Variants in TSHZ3 observed in about 807,000 individuals in gnomAD.
The protein encoded by TSHZ3 is teashirt homolog 3.
Under a neutral mutation model 64.5 loss-of-function variants are expected in TSHZ3, and 10 were observed. That is an observed-to-expected ratio of 0.16 (90% CI 0.10 to 0.26). The LOEUF is 0.26. Among genes scored for constraint, TSHZ3 ranks in the 10% least tolerant of loss-of-function variants. The pLI is 1.00. For missense variants in TSHZ3, 1,242 were observed against 1,421.7 expected (o/e 0.87, Z 2.03); for synonymous variants, 608 against 593.1 (o/e 1.03, Z -0.36).
At chr19:31,289,016 T>G (rs1489376444) in intron 1 of TSHZ3, among the ~76,000 whole-genome samples, 1 of 152,222 alleles carries the variant, frequency 6.6e-6, no homozygotes, top group African/African-American at 2.4e-5. Context: ...AATGGGAAGA[T>G]GCAACTGGCC....
chr19:31,228,687 A>G (rs1171603310), intron 3 of TSHZ3, among the ~76,000 whole-genome samples: 1 of 152,126 alleles, frequency 6.6e-6, no homozygotes, highest in African/African-American at 2.4e-5. Context: ...GGTTACTAGC[A>G]CCTTCCCATG....
At chr19:31,316,817 C>T (rs1916616162) in intron 1 of TSHZ3, among the ~76,000 whole-genome samples, 1 of 152,046 alleles carries the variant, frequency 6.6e-6, no homozygotes, top group Non-Finnish European at 1.5e-5. Flanking sequence ...GAAGCCAACC[C>T]CCGCCCCACC....
chr19:31,300,069 T>C (rs371118249), intron 1 of TSHZ3, among the ~76,000 whole-genome samples: 14 of 151,754 alleles, frequency 9.2e-5, no homozygotes, highest in African/African-American at 3.4e-4. Flanking sequence ...CGAGAGAGTG[T>C]GTGTGTGTGT....
chr19:31,232,361 T>C (rs572879271), intron 3 of TSHZ3, among the ~76,000 whole-genome samples: 4 of 152,186 alleles, frequency 2.6e-5, no homozygotes, highest in African/African-American at 4.8e-5. Flanking sequence ...ATAGTATAAA[T>C]GAACGAAAAG....
intron 5 of TSHZ3, among the ~76,000 whole-genome samples, chr19:31,203,689 C>T (rs1172953738): frequency 6.6e-6 from 1 of 152,232 alleles, no homozygotes; most frequent in African/African-American, 2.4e-5. Context: ...GTGCTCACTC[C>T]TGAGCACACA....
intron 5 of TSHZ3, among the ~76,000 whole-genome samples, chr19:31,178,315 T>A (rs1974644355): frequency 6.6e-6 from 1 of 152,152 alleles, no homozygotes; most frequent in African/African-American, 2.4e-5. Flanking sequence ...CAAATGTCAG[T>A]TGTTCCTCAT....
chr19:31,170,784 TTTC>T (rs1204432358), intron 5 of TSHZ3, among the ~76,000 whole-genome samples: 1 of 152,218 alleles, frequency 6.6e-6, no homozygotes, highest in African/African-American at 2.4e-5. Context: ...TTAAAAGAAA[TTTC>T]TTCTTGCATT....
intron 4 of TSHZ3, among the ~76,000 whole-genome samples, chr19:31,210,322 T>G (rs1213503083): frequency 1.3e-5 from 2 of 152,182 alleles, no homozygotes; most frequent in African/African-American, 4.8e-5. Flanking sequence ...TGTTTTTTTC[T>G]TCTTGAAACC....
chr19:31,336,571 G>A (rs566074664), intron 1 of TSHZ3, among the ~76,000 whole-genome samples: 40 of 152,270 alleles, frequency 2.6e-4, no homozygotes, highest in Non-Finnish European at 4.3e-4. Flanking sequence ...TAAAAAATCC[G>A]GTTATCTAAG....
At chr19:31,330,710 G>GA (rs893388231) in intron 1 of TSHZ3, among the ~76,000 whole-genome samples, 3 of 34,288 alleles carry the variant, frequency 8.7e-5, no homozygotes, top group Non-Finnish European at 2.9e-4. Context: ...ATCCTTGGGC[G>GA]GGGGGAGGAA....
rs763608123 is a variant in TSHZ3 at position 31,279,796 on chromosome 19, T to A, written c.41-44A>T. 2 of 1,444,776 alleles carry A rather than the reference T, an allele frequency of 1.4e-6. No homozygotes were observed. Among genetic ancestry groups the A allele is most frequent in the Admixed American group, 4.9e-5 (2 of 40,550 alleles). 89.5% of individuals were successfully genotyped at this position (1,444,776 alleles called of 1,614,324 possible). ...GGAAAGAGAGACAGGTAGGATGGAA[T>A]GAAGAGAGACAGGGAGAAGGAGAGA... On this transcript the variant is annotated intron_variant, in intron 1 of 1. Coordinates refer to ENST00000240587, the MANE Select transcript of TSHZ3 (RefSeq NM_020856.4). This position sits in a 1 kb window ranked among gnomAD's most constrained non-coding sequence, Gnocchi z 6.4.
rs997251076 is a variant in TSHZ3, at chr19:31,279,930, T to C, written c.41-178A>G. Among the ~76,000 whole-genome samples the C allele has an allele frequency of 1.4e-5, 2 of 148,094 alleles. No homozygotes were observed. Among genetic ancestry groups the C allele is most frequent in the African/African-American group, 2.5e-5 (1 of 39,790 alleles). On this transcript the variant is annotated intron_variant, in intron 1 of 1. Transcript: ENST00000240587. The surrounding 1 kb of genome is among the most constrained non-coding windows in gnomAD (Gnocchi z 6.4). ...TACATGTATTTGTAAAATTAAACAG[T>C]TAAAATGTGGTGTTTCTTTGGAGCA...
chr19:31,303,751 T>C (rs1976795418), intron 1 of TSHZ3, among the ~76,000 whole-genome samples: 1 of 152,192 alleles, frequency 6.6e-6, no homozygotes, highest in Non-Finnish European at 1.5e-5. Context: ...TGGCACCCGC[T>C]GGCTGCACTG....
intron 1 of TSHZ3, among the ~76,000 whole-genome samples, chr19:31,244,050 G>T (rs1368318883): frequency 6.6e-6 from 1 of 152,092 alleles, no homozygotes; most frequent in Non-Finnish European, 1.5e-5. Flanking sequence ...AATGATCAGT[G>T]ATATAGTTAA....
At chr19:31,162,416 G>A (rs1035329880) in intron 5 of TSHZ3, among the ~76,000 whole-genome samples, 9 of 152,112 alleles carry the variant, frequency 5.9e-5, no homozygotes, top group Admixed American at 2.0e-4. Context: ...CTTGCAAATA[G>A]AGGAGGGGGA....
intron 5 of TSHZ3, among the ~76,000 whole-genome samples, chr19:31,201,909 G>C (rs1975092861): frequency 6.6e-6 from 1 of 152,228 alleles, no homozygotes; most frequent in African/African-American, 2.4e-5. Flanking sequence ...GCTCATGCCT[G>C]TAATCCCAGC....
At chr19:31,289,293 TG>T (rs34427165) in intron 1 of TSHZ3, among the ~76,000 whole-genome samples, 1 of 151,868 alleles carries the variant, frequency 6.6e-6, no homozygotes, top group African/African-American at 2.4e-5. Flanking sequence ...AAGGAGGAGG[TG>T]GGGGGACAAG....
intron 4 of TSHZ3, among the ~76,000 whole-genome samples, chr19:31,217,507 G>C (rs1383503818): frequency 1.3e-5 from 2 of 152,144 alleles, no homozygotes; most frequent in Non-Finnish European, 2.9e-5. Flanking sequence ...TTTTAGAGCA[G>C]TTTTAGTTTT....
rs192817910 is a variant in TSHZ3 at position 31,246,545 on chromosome 19, C to T, written n.64-3670G>A. Among the ~76,000 whole-genome samples, 14 of 151,978 alleles carry T rather than the reference C, an allele frequency of 9.2e-5. No homozygotes were observed. In the East Asian group the frequency reaches 2.7e-3, roughly 29 times the overall value. ...AAAGGGGAGGAGGAGACAGAATAAG[C>T]CCTAAGGTGCTGGATTGAAATTGAA... On this transcript the variant is annotated intron_variant and non_coding_transcript_variant, in intron 1 of 6. Coordinates refer to the TSHZ3 transcript ENST00000651361.
Sources: allele counts gnomAD v4.1 joint callset (sites outside exome capture counted in the v4.1 genomes callset), GRCh38; gene constraint gnomAD v4.1.1; non-coding constraint Gnocchi (gnomAD v3.1); transcripts MANE v1.5; gene names NCBI Gene and HGNC (gene_info 2026-07-23, HGNC 2026-07-21).